PHF14: variants seen among roughly 807,000 people sequenced by gnomAD.
The protein encoded by PHF14 is PHD finger protein 14.
Under a neutral mutation model 117.9 loss-of-function variants are expected in PHF14, and 55 were observed. The ratio of observed to expected loss-of-function variants is 0.47; its 90% CI spans 0.38 to 0.58. PHF14 has a LOEUF of 0.58. Among genes scored for constraint, PHF14 ranks in the 20% least tolerant of loss-of-function variants. The probability of loss-of-function intolerance (pLI) is 0.00; values close to 1 mark genes in which losing one functional copy is unlikely to be tolerated. For missense variants in PHF14, 978 were observed against 1,122.2 expected (o/e 0.87, Z 1.84); for synonymous variants, 409 against 368.6 (o/e 1.11, Z -1.26).
chr7:11,060,164 A>G (rs1785169186), intron 14 of PHF14, among the ~76,000 whole-genome samples: 1 of 152,238 alleles, frequency 6.6e-6, no homozygotes, highest in Non-Finnish European at 1.5e-5. Context: ...GCCGTGAGCC[A>G]TGGTGCCTGG....
chr7:11,152,202 GTA>G (rs1788721363), intron 17 of PHF14, among the ~76,000 whole-genome samples: 1 of 152,130 alleles, frequency 6.6e-6, no homozygotes, highest in Non-Finnish European at 1.5e-5. Context: ...TTTTGGAAAA[GTA>G]TGTGAAGCTT....
chr7:11,016,747 A>G (rs1014810440), intron 5 of PHF14, among the ~76,000 whole-genome samples: 1 of 152,162 alleles, frequency 6.6e-6, no homozygotes, highest in Non-Finnish European at 1.5e-5. Flanking sequence ...CAAACAATCC[A>G]GTTACCCTCT....
At chr7:11,014,819 C>T (rs2128316484) in intron 5 of PHF14, 1 of 151,844 alleles carries the variant, frequency 6.6e-6, no homozygotes, top group East Asian at 1.9e-4. Context: ...GTTCTTTTTA[C>T]TACATTCACA....
intron 17 of PHF14, among the ~76,000 whole-genome samples, chr7:11,131,119 G>T (rs966455596): frequency 6.6e-6 from 1 of 151,878 alleles, no homozygotes; most frequent in African/African-American, 2.4e-5. Flanking sequence ...AGTTTTGGCA[G>T]TTATGAATAA....
At chr7:11,017,461 A>G (rs950222643) in intron 5 of PHF14, among the ~76,000 whole-genome samples, 4 of 152,158 alleles carry the variant, frequency 2.6e-5, no homozygotes, top group African/African-American at 9.7e-5. Flanking sequence ...ATATTTCATG[A>G]TAGTTTTGAT....
At chr7:11,052,185 AAAT>A in intron 14 of PHF14, among the ~76,000 whole-genome samples, 1 of 152,320 alleles carries the variant, frequency 6.6e-6, no homozygotes, top group Middle Eastern at 3.4e-3. Context: ...CTGTACTTAT[AAAT>A]AATACATGGT....
chr7:11,147,387 C>T (rs909885552), intron 17 of PHF14, among the ~76,000 whole-genome samples: 3 of 152,066 alleles, frequency 2.0e-5, no homozygotes, highest in Admixed American at 6.6e-5. Flanking sequence ...AGTTATTATC[C>T]ATGTTCCTGA....
rs534620645 is a variant in PHF14 at position 11,126,527 on chromosome 7, A to G, written c.2772+15060A>G. The stretch of plus-strand genomic sequence containing the variant: ...TCTCAAATCTACTACATATGAATCT[A>G]ATTTTTGCAGTGAAATAAACTTTCT... On this transcript the variant is annotated intron_variant, in intron 17 of 17. Transcript: ENST00000634607. Among the ~76,000 whole-genome samples, 3 of 152,214 alleles carry G rather than the reference A, an allele frequency of 2.0e-5. No homozygotes were observed. In the South Asian group the frequency reaches 6.2e-4, roughly 32 times the overall value.
At chr7:11,053,651 TATC>T (rs1347724039) in intron 14 of PHF14, among the ~76,000 whole-genome samples, 1 of 152,092 alleles carries the variant, frequency 6.6e-6, no homozygotes, top group Non-Finnish European at 1.5e-5. Context: ...TGACTAGTAT[TATC>T]ATCCTTAACT....
At chr7:11,037,908 T>C (rs150268476) in intron 10 of PHF14, among the ~76,000 whole-genome samples, 4 of 152,310 alleles carry the variant, frequency 2.6e-5, no homozygotes, top group African/African-American at 7.2e-5. Context: ...TTAGTTTTTT[T>C]CATTGGGAAA....
At chr7:11,062,174 G>A (rs1348108902) in intron 16 of PHF14, 89 bp downstream of exon 16, 3 of 1,087,614 alleles carry the variant, frequency 2.8e-6, no homozygotes, top group East Asian at 2.6e-5. Context: ...ACAATTGCAG[G>A]ATAAGACCTT....
In PHF14 at chr7:11,110,078, T is replaced by C. The variant is rs1787392908; in HGVS notation, c.2655-1272T>C. 3 of 151,940 alleles carry C rather than the reference T, an allele frequency of 2.0e-5. No individual in the cohort carries two copies. The South Asian group carries it at 6.2e-4, about 31-fold the overall frequency. The allele number at this position is 151,940 out of a possible 1,614,324, so 9.4% of individuals were successfully genotyped here. On this transcript the variant is annotated intron_variant, in intron 16 of 17. Coordinates refer to ENST00000634607, the MANE Select transcript of PHF14 (RefSeq NM_001007157.2). ...TTTGGAAGATTGGACTTTTGTATCA[T>C]AATATGAAATTTCTACTAAAAATGT...
chr7:11,161,013 C>T (rs1239649220), intron 17 of PHF14, among the ~76,000 whole-genome samples: 1 of 152,016 alleles, frequency 6.6e-6, no homozygotes, highest in African/African-American at 2.4e-5. Context: ...AATGGTGTTT[C>T]CTAGGTTTTG....
At chr7:11,129,884 A>T (rs1329515801) in intron 17 of PHF14, among the ~76,000 whole-genome samples, 1 of 152,064 alleles carries the variant, frequency 6.6e-6, no homozygotes, top group East Asian at 1.9e-4. Flanking sequence ...TGAGAGTAGG[A>T]TGATTGCTTT....
chr7:11,124,206 A>T (rs1263537469), intron 17 of PHF14, among the ~76,000 whole-genome samples: 1 of 152,134 alleles, frequency 6.6e-6, no homozygotes, highest in African/African-American at 2.4e-5. Flanking sequence ...ATTATCTGCA[A>T]TTTAGCACCT....
At chr7:11,112,335 A>T (rs1787474190) in intron 17 of PHF14, among the ~76,000 whole-genome samples, 1 of 152,220 alleles carries the variant, frequency 6.6e-6, no homozygotes, top group South Asian at 2.1e-4. Flanking sequence ...ATGTAATCAA[A>T]AACATTCTTT....
intron 4 of PHF14, among the ~76,000 whole-genome samples, chr7:10,998,516 A>G (rs138480517): frequency 7.3e-4 from 111 of 152,346 alleles, no homozygotes; most frequent in Middle Eastern, 3.4e-3. Context: ...TAAAGAGCTC[A>G]TTAATATAAA....
At chr7:11,044,450 T>G (rs1410551344) in intron 13 of PHF14, among the ~76,000 whole-genome samples, 1 of 152,168 alleles carries the variant, frequency 6.6e-6, no homozygotes, top group Non-Finnish European at 1.5e-5. Flanking sequence ...AAAGTAGAAG[T>G]TAATGTTGTA....
At chr7:11,145,109 A>AT (rs992569447) in intron 17 of PHF14, among the ~76,000 whole-genome samples, 5 of 151,852 alleles carry the variant, frequency 3.3e-5, no homozygotes, top group Admixed American at 3.3e-4. Flanking sequence ...TTTTATGTCT[A>AT]TTTTATACCA....
Sources: allele counts gnomAD v4.1 joint callset (sites outside exome capture counted in the v4.1 genomes callset), GRCh38; gene constraint gnomAD v4.1.1; transcripts MANE v1.5; gene names NCBI Gene and HGNC (gene_info 2026-07-23, HGNC 2026-07-21).